UNC93B1: variants seen among roughly 807,000 people sequenced by gnomAD.
The protein encoded by UNC93B1 is protein unc-93 homolog B1.
UNC93B1 carries 33 observed loss-of-function variants against 56.8 expected under a neutral mutation model. The ratio of observed to expected loss-of-function variants is 0.58; its 90% confidence interval spans 0.44 to 0.78. The LOEUF (loss-of-function observed/expected upper bound fraction) is 0.78, where lower values mean the gene tolerates loss of function less well. UNC93B1 is among the 30% of genes least tolerant of loss of function. UNC93B1 has a pLI of 0.00. For missense variants in UNC93B1, 673 were observed against 819.5 expected, an observed-to-expected ratio of 0.82 and a Z score of 2.18; for synonymous variants, 334 against 358.6, an observed-to-expected ratio of 0.93 and a Z score of 0.77.
rs539644334 is a variant in UNC93B1 at position 67,991,706 on chromosome 11, T to A, written c.1634A>T (p.Asp545Val). 2.3e-5 allele frequency: 35 copies of A among 1,534,902 alleles called. No individual in the cohort carries two copies. The Admixed American group carries it at 6.1e-4, about 27-fold the overall frequency. ...CTCCGCGTCGCTCTCGTCCGAGTTG[T>A]CCTCCTCCAAGTAGCGGTAACCGCG... The part of the protein sequence containing the change: ...KVRGYRYLEE[D>V]NSDESDAEGE... Residue 545 changes from aspartate to valine, a missense_variant, in exon 11 of 11, where the codon GAC becomes GTC. Around this residue, in one of 3 missense-constraint regions of UNC93B1, gnomAD observed 80 missense variants for 85.3 expected, o/e 0.94. Transcript: ENST00000227471.
At chr11:67,998,707 G>A (rs1856993991) in intron 5 of UNC93B1, among the ~76,000 whole-genome samples, 1 of 152,164 alleles carries the variant, frequency 6.6e-6, no homozygotes, top group Non-Finnish European at 1.5e-5. Flanking sequence ...TGGGCAGCCT[G>A]GGCAACATAG....
chr11:68,003,691 G>A lies in UNC93B1; in HGVS notation c.204C>T (p.Ser68=). 4.6e-6 allele frequency: 7 copies of A among 1,529,620 alleles called. No homozygotes were observed. The highest frequency in any genetic ancestry group is 2.5e-5 in the East Asian group (1 of 39,620). The allele number at this position is 1,529,620 out of a possible 1,614,324, so 94.8% of individuals were successfully genotyped here. The change falls in exon 2 of 11, where the codon AGC becomes AGT. Residue 68 remains serine, a synonymous_variant. Transcript: ENST00000227471. The surrounding 1 kb of genome is among the most constrained non-coding windows in gnomAD (Gnocchi z 4.4). ...LGVLKNVLAA[S]AGGMLTYGVY... The stretch of plus-strand genomic sequence containing the variant: ...CGCCGTAGGTGAGCATGCCCCCGGC[G>A]CTGGCAGCCAGCACGTTCTTGAGCA...
Position 67,991,852 on chromosome 11 carries a change from C to T in UNC93B1, c.1488G>A (p.Lys496=), listed in dbSNP as rs1192335263. 4 of 1,566,270 alleles carry T rather than the reference C, an allele frequency of 2.6e-6. No individual in the cohort carries two copies. Among genetic ancestry groups the T allele is most frequent in the Non-Finnish European group, 3.4e-6 (4 of 1,165,864 alleles). Residue 496 remains lysine, a synonymous_variant, in exon 11 of 11, where the codon AAG becomes AAA. Coordinates refer to ENST00000227471, the MANE Select transcript of UNC93B1 (RefSeq NM_030930.4). The part of the protein sequence containing the change: ...YLGSSLHMKA[K]LAVLLVTLVA... ...CCAGCGTCACCAGCAGCACCGCCAG[C>T]TTAGCCTGGGCGTAAGGAGAGGGAT...
Position 67,991,555 on chromosome 11 carries a change from C to G in UNC93B1, c.1785G>C (p.Glu595Asp), listed in dbSNP as rs761443098. The change falls in exon 11 of 11, where the codon GAG (glutamate) becomes GAC (aspartate). Residue 595 changes from glutamate (E) to aspartate (D), a missense_variant. Glu to Asp is a conservative substitution (Grantham distance 45). This residue lies in a region of UNC93B1 where 80 missense variants were observed against 85.3 expected (regional missense o/e 0.94). Transcript: ENST00000227471. ...YEQAQGGDGP[E>D]EQ Reference sequence around the variant, plus strand: ...GGGACCAGGCGGCCCCTCACTGCTCCTCCGGCCCGTCTCCCCCCTGCGCCT... The same window carrying G: ...GGGACCAGGCGGCCCCTCACTGCTCGTCCGGCCCGTCTCCCCCCTGCGCCT... 2.5e-4 allele frequency: 365 copies of G among 1,463,996 alleles called. 1 individual carries two copies. The highest frequency in any genetic ancestry group is 3.2e-4 in the Non-Finnish European group (353 of 1,114,440). The allele number at this position is 1,463,996 out of a possible 1,614,324, so 90.7% of individuals were successfully genotyped here.
At chr11:67,995,580 C>CG (rs1463679566) in intron 9 of UNC93B1, 31 bp downstream of exon 9, 2 of 137,414 alleles carry the variant, frequency 1.5e-5, no homozygotes, top group East Asian at 2.6e-4. Flanking sequence ...TGCCCCGCCC[C>CG]CCCCCCCCCA....
chr11:67,999,242 C>T lies in UNC93B1; in HGVS notation c.618G>A (p.Gln206=), dbSNP rs1435279681. The stretch of plus-strand genomic sequence containing the variant: ...GCGCGTGGGAGCCCCGCGGAGGCCG[C>T]TGCTTCATCCCCTGCCCATCCTGCT... The part of the protein sequence containing the change: ...YKEQDGQGMK[Q]RPPRGSHAPY... Residue 206 remains glutamine (Q), a synonymous_variant, in exon 5 of 11, where the codon CAG becomes CAA. Coordinates refer to ENST00000227471, the MANE Select transcript of UNC93B1 (RefSeq NM_030930.4). The T allele has an allele frequency of 2.5e-6, 4 of 1,613,658 alleles. No homozygotes were observed. In the Admixed American group the frequency reaches 6.7e-5, roughly 27 times the overall value.
Position 68,003,222 on chromosome 11 carries a change from G to T in UNC93B1, c.239-47C>A. On this transcript the variant is annotated intron_variant, in intron 2 of 10. Coordinates refer to ENST00000227471, the MANE Select transcript of UNC93B1 (RefSeq NM_030930.4). The surrounding 1 kb of genome is among the most constrained non-coding windows in gnomAD (Gnocchi z 4.4). Reference sequence around the variant, plus strand: ...GCGTGCAGGGAGCAGCCTAGCTTTGGGCGCCACCGAGCAGAAGACGGCATG... The same window carrying T: ...GCGTGCAGGGAGCAGCCTAGCTTTGTGCGCCACCGAGCAGAAGACGGCATG... The T allele has an allele frequency of 6.4e-7, 1 of 1,559,252 alleles. No homozygotes were observed. The highest frequency in any genetic ancestry group is 8.6e-7 in the Non-Finnish European group (1 of 1,158,924).
Position 67,991,816 on chromosome 11 carries a change from C to T in UNC93B1, c.1524G>A (p.Ala508=). 3.4e-6 allele frequency: 5 copies of T among 1,471,972 alleles called. No individual in the cohort carries two copies. The highest frequency in any genetic ancestry group is 4.6e-6 in the Non-Finnish European group (5 of 1,087,644). 91.2% of individuals were successfully genotyped at this position (1,471,972 alleles called of 1,614,324 possible). ...AVLLVTLVAA[A]VSYLRMEQKL... The stretch of plus-strand genomic sequence containing the variant: ...TCTGCTCCATCCGCAGGTAGGAGAC[C>T]GCGGCCGCCACCAGCGTCACCAGCA... The change falls in exon 11 of 11, where the codon GCG becomes GCA. Residue 508 remains alanine (A), a synonymous_variant. Coordinates refer to ENST00000227471, the MANE Select transcript of UNC93B1 (RefSeq NM_030930.4).
chr11:67,994,822 G>A (rs1856908509), intron 9 of UNC93B1, among the ~76,000 whole-genome samples: 1 of 152,234 alleles, frequency 6.6e-6, no homozygotes, highest in Admixed American at 6.5e-5. Flanking sequence ...GTTCAAAACT[G>A]TTCACAGCTT....
rs796263720 is a variant in UNC93B1, at chr11:67,999,137, C to T, written c.687+36G>A. On this transcript the variant is annotated intron_variant, in intron 5 of 10. Coordinates refer to ENST00000227471, the MANE Select transcript of UNC93B1 (RefSeq NM_030930.4). ...GGATGGGCTCCAATGCGTGGGTCTG[C>T]CCCTGCCACCCAACAATGGCCCACG... 18 of 1,612,764 alleles carry T rather than the reference C, an allele frequency of 1.1e-5. No individual in the cohort carries two copies. The African/African-American group carries it at 2.4e-4, about 21-fold the overall frequency.
At chr11:67,994,488 T>C (rs1477405480) in intron 9 of UNC93B1, among the ~76,000 whole-genome samples, 2 of 152,176 alleles carry the variant, frequency 1.3e-5, no homozygotes, top group East Asian at 1.9e-4. Context: ...GCACTCAGGA[T>C]ATGAACACTC....
intron 3 of UNC93B1, among the ~76,000 whole-genome samples, chr11:68,001,613 C>T (rs1165917988): frequency 6.6e-6 from 1 of 151,804 alleles, no homozygotes; most frequent in African/African-American, 2.4e-5. Context: ...TGTGTTCGTG[C>T]CACTGCACTC....
In UNC93B1 at chr11:67,991,657, C is replaced by T; in HGVS notation, c.1683G>A (p.Glu561=). Residue 561 remains glutamate, a synonymous_variant, in exon 11 of 11, where the codon GAG becomes GAA. Coordinates refer to ENST00000227471, the MANE Select transcript of UNC93B1 (RefSeq NM_030930.4). The part of the protein sequence containing the change: ...DAEGEHGDGA[E]EEAPPAGPRP... ...TGGGCCCTGCGGGCGGCGCCTCCTC[C>T]TCCGCGCCGTCCCCATGCTCGCCCT... is the stretch of plus-strand genomic sequence containing the variant. 1 of 1,528,864 alleles carries T rather than the reference C, an allele frequency of 6.5e-7. No homozygotes were observed. The allele number at this position is 1,528,864 out of a possible 1,614,324, so 94.7% of individuals were successfully genotyped here.
intron 6 of UNC93B1, among the ~76,000 whole-genome samples, 186 bp from the exon 7 acceptor site, chr11:67,997,985 G>A (rs1856979135): frequency 6.6e-6 from 1 of 152,240 alleles, no homozygotes; most frequent in Admixed American, 6.5e-5. Flanking sequence ...GGACCACTGG[G>A]GCTGGGTGTT....
intron 3 of UNC93B1, among the ~76,000 whole-genome samples, chr11:68,000,619 C>T (rs868857998): frequency 1.4e-4 from 21 of 151,806 alleles, no homozygotes; most frequent in African/African-American, 4.1e-4. Context: ...GAGCTGAGAT[C>T]GCGTCACCGC....
chr11:68,003,810 G>A lies in UNC93B1; in HGVS notation c.97-12C>T, dbSNP rs1037340676. 3 of 1,466,592 alleles carry A rather than the reference G, an allele frequency of 2.0e-6. No homozygotes were observed. The highest frequency in any genetic ancestry group is 2.9e-5 in the East Asian group (1 of 34,086). The allele number at this position is 1,466,592 out of a possible 1,614,324, so 90.8% of individuals were successfully genotyped here. A position where few individuals can be genotyped will look rare whatever the true frequency, so the allele number is the denominator to read the frequency against. The stretch of plus-strand genomic sequence containing the variant: ...ACCAGCTCGTCCAGCTGCGAGCCAC[G>A]CACGCCGCTCGCACCCGCGATCGCG... On this transcript the variant is annotated splice_polypyrimidine_tract_variant and intron_variant, in intron 1 of 10. Coordinates refer to ENST00000227471, the MANE Select transcript of UNC93B1 (RefSeq NM_030930.4). The surrounding 1 kb of genome is among the most constrained non-coding windows in gnomAD (Gnocchi z 4.4).
intron 7 of UNC93B1, 106 bp from the exon 8 acceptor site, chr11:67,996,890 C>CGGCCCCGCCTCCCAAACCAG: frequency 7.4e-7 from 1 of 1,344,296 alleles, no homozygotes; most frequent in Non-Finnish European, 9.8e-7. Context: ...TGCCCCAGCT[C>CGGCCCCGCCTCCCAAACCAG]GGCCCCGCCT....
At position 68,003,184 on chromosome 11, in the gene UNC93B1, A is replaced by C. The variant is rs749425943; in HGVS notation, c.239-9T>G. 3 of 1,607,406 alleles carry C rather than the reference A, an allele frequency of 1.9e-6. No individual in the cohort carries two copies. In the Admixed American group the frequency reaches 5.0e-5, roughly 27 times the overall value. ...CTGCATCTGCAGGAGGCCTGGGGAC[A>C]GGACAGAGAGCGGCGTGCAGGGAGC... On this transcript the variant is annotated splice_polypyrimidine_tract_variant and intron_variant, in intron 2 of 10. Transcript: ENST00000227471. The surrounding 1 kb of genome is among the most constrained non-coding windows in gnomAD (Gnocchi z 4.4).
At chr11:68,002,802 G>A (rs1307864233) in intron 3 of UNC93B1, among the ~76,000 whole-genome samples, 3 of 152,194 alleles carry the variant, frequency 2.0e-5, no homozygotes, top group Non-Finnish European at 4.4e-5. Context: ...GTGTGAATCT[G>A]TTGCTGGAAA....
Sources: allele counts gnomAD v4.1 joint callset (sites outside exome capture counted in the v4.1 genomes callset), GRCh38; gene constraint gnomAD v4.1.1; regional missense constraint gnomAD v4.1.1; non-coding constraint Gnocchi (gnomAD v3.1); transcripts MANE v1.5; gene names NCBI Gene and HGNC (gene_info 2026-07-23, HGNC 2026-07-21).